The following AFG2A variants were observed in gnomAD, a reference collection of about 807,000 sequenced individuals.
The protein encoded by AFG2A is AAA ATPase AFG2A.
At chr4:123,274,614 C>T in the AFG2A span, among the ~76,000 whole-genome samples, 1 of 151,184 alleles carries the variant, frequency 6.6e-6, no homozygotes, top group Non-Finnish European at 1.5e-5. Context: ...AAAAACCTAT[C>T]ATATCCTGTT....
At chr4:123,079,634 A>G in the AFG2A span, among the ~76,000 whole-genome samples, 2 of 151,780 alleles carry the variant, frequency 1.3e-5, no homozygotes, top group Non-Finnish European at 2.9e-5. Context: ...ACCCTCGCCA[A>G]TGCTAGGAGT....
the AFG2A span, among the ~76,000 whole-genome samples, chr4:123,283,679 AAAG>A: frequency 1.3e-5 from 2 of 152,182 alleles, no homozygotes; most frequent in Non-Finnish European, 2.9e-5. Context: ...AGAAAAATCA[AAAG>A]AAGAATAATA....
the AFG2A span, among the ~76,000 whole-genome samples, chr4:123,095,379 TG>T: frequency 3.3e-5 from 5 of 152,072 alleles, no homozygotes; most frequent in Non-Finnish European, 5.9e-5. Context: ...CTAAAGTTTG[TG>T]AAATACAAGA....
the AFG2A span, among the ~76,000 whole-genome samples, chr4:123,007,471 G>A: frequency 6.7e-6 from 1 of 150,372 alleles, no homozygotes; most frequent in Non-Finnish European, 1.5e-5. Context: ...CACTCCCTCT[G>A]TCTCTGTACA....
At chr4:123,197,557 C>T in the AFG2A span, among the ~76,000 whole-genome samples, 1 of 152,012 alleles carries the variant, frequency 6.6e-6, no homozygotes, top group Non-Finnish European at 1.5e-5. Flanking sequence ...ATCATGAGGT[C>T]AGGAGTTCGA....
At chr4:123,165,965 A>G in the AFG2A span, among the ~76,000 whole-genome samples, 1 of 152,222 alleles carries the variant, frequency 6.6e-6, no homozygotes, top group Non-Finnish European at 1.5e-5. Context: ...CACATAGCAT[A>G]AGAATTTCCC....
chr4:122,983,639 C>T, the AFG2A span, among the ~76,000 whole-genome samples: 2 of 150,340 alleles, frequency 1.3e-5, no homozygotes, highest in Admixed American at 1.3e-4. Flanking sequence ...TTATTCTTTT[C>T]TGGTTTGTAT....
chr4:123,034,741 G>A, the AFG2A span, among the ~76,000 whole-genome samples: 1,848 of 152,164 alleles, frequency 0.012, 43 homozygotes, highest in African/African-American at 0.041. Flanking sequence ...GGGCATATGC[G>A]AGCTGTTTGT....
At chr4:123,069,130 A>G in the AFG2A span, among the ~76,000 whole-genome samples, 140 of 152,320 alleles carry the variant, frequency 9.2e-4, no homozygotes, top group African/African-American at 3.1e-3. Flanking sequence ...AGCTGTTAGC[A>G]GCCGTAATTA....
chr4:123,021,132 G>A, the AFG2A span, among the ~76,000 whole-genome samples: 1 of 151,772 alleles, frequency 6.6e-6, no homozygotes, highest in Non-Finnish European at 1.5e-5. Context: ...GTTTGATTTT[G>A]CATTTCTTTT....
the AFG2A span, among the ~76,000 whole-genome samples, chr4:123,247,200 A>T: frequency 2.0e-5 from 3 of 147,926 alleles, no homozygotes; most frequent in Non-Finnish European, 4.5e-5. Context: ...ACTTATGTAA[A>T]GGGTGTGTGT....
At chr4:122,999,305 T>C in the AFG2A span, among the ~76,000 whole-genome samples, 5 of 152,230 alleles carry the variant, frequency 3.3e-5, no homozygotes, top group Admixed American at 3.3e-4. Flanking sequence ...AGAAGTTCTT[T>C]GGTTTAATTA....
the AFG2A span, among the ~76,000 whole-genome samples, chr4:123,160,676 C>CT: frequency 0.65 from 98,609 of 152,022 alleles, 32,853 homozygotes; most frequent in Non-Finnish European, 0.72. Context: ...GGAGTTTGGG[C>CT]TCTATGCATA....
chr4:123,045,873 G>A, the AFG2A span, among the ~76,000 whole-genome samples: 5 of 151,932 alleles, frequency 3.3e-5, no homozygotes, highest in African/African-American at 1.2e-4. Context: ...AGATGGGTGG[G>A]TGACCTGAGG....
chr4:123,046,552 A>G, the AFG2A span, among the ~76,000 whole-genome samples: 7 of 152,232 alleles, frequency 4.6e-5, no homozygotes, highest in Non-Finnish European at 7.4e-5. Flanking sequence ...GGCACATGTG[A>G]TATTTTGATG....
chr4:123,249,388 C>G, the AFG2A span, among the ~76,000 whole-genome samples: 1 of 152,188 alleles, frequency 6.6e-6, no homozygotes. Context: ...TAACTCCTAT[C>G]TTATCTACAG....
At chr4:123,164,107 C>A in the AFG2A span, among the ~76,000 whole-genome samples, 1 of 152,216 alleles carries the variant, frequency 6.6e-6, no homozygotes, top group South Asian at 2.1e-4. Context: ...GAGAAAACCA[C>A]CCCTTTTGGG....
chr4:123,113,889 G>C, the AFG2A span, among the ~76,000 whole-genome samples: 1 of 152,134 alleles, frequency 6.6e-6, no homozygotes, highest in Non-Finnish European at 1.5e-5. Flanking sequence ...AGGTCATCTC[G>C]TTGAGTGTTG....
the AFG2A span, among the ~76,000 whole-genome samples, chr4:123,186,982 C>T: frequency 1.3e-5 from 2 of 152,084 alleles, no homozygotes; most frequent in African/African-American, 4.8e-5. Context: ...TGCAGTGGCT[C>T]CTAGACATTG....
Sources: gnomAD v4.1 joint callset for allele counts (sites outside exome capture counted in the v4.1 genomes callset) on GRCh38, gnomAD v4.1.1 for gene constraint, MANE v1.5 for transcripts, NCBI Gene and HGNC (gene_info 2026-07-23, HGNC 2026-07-21) for gene names.